PIWIL1: variants seen among roughly 807,000 people sequenced by gnomAD.
PIWIL1 encodes piwi like RNA-mediated gene silencing 1.
A neutral mutation model predicts 114.4 loss-of-function variants in PIWIL1; 73 were observed. The observed-to-expected ratio is 0.64, with a 90% CI of 0.53 to 0.78. The LOEUF (loss-of-function observed/expected upper bound fraction) is 0.78, where lower values mean the gene tolerates loss of function less well. PIWIL1 is among the 30% of genes least tolerant of loss of function. PIWIL1 has a pLI of 0.00. For missense variants in PIWIL1, 723 were observed against 1,063.1 expected (o/e 0.68, Z 4.45); for synonymous variants, 375 against 369.0 (o/e 1.02, Z -0.19).
the PIWIL1 span, among the ~76,000 whole-genome samples, chr12:130,402,290 C>T: frequency 2.0e-5 from 3 of 152,114 alleles, no homozygotes; most frequent in Admixed American, 1.3e-4. Context: ...TTCCATTCAA[C>T]GTTGTTCTTA....
chr12:130,378,890 T>C, the PIWIL1 span, among the ~76,000 whole-genome samples: 1 of 152,224 alleles, frequency 6.6e-6, no homozygotes, highest in Non-Finnish European at 1.5e-5. Context: ...TTCCTTCCAG[T>C]TTCTGGCTTG....
chr12:130,342,327 A>C (rs1222976010), intron 1 of PIWIL1: 1 of 500,456 alleles, frequency 2.0e-6, no homozygotes, highest in African/African-American at 1.9e-5. Flanking sequence ...TCCAAATGAA[A>C]AACTAAGTCT....
At chr12:130,393,795 A>T in the PIWIL1 span, among the ~76,000 whole-genome samples, 10 of 152,218 alleles carry the variant, frequency 6.6e-5, no homozygotes, top group Non-Finnish European at 1.2e-4. Context: ...CACACGTTCA[A>T]GGCTTTAGAA....
chr12:130,346,407 T>C lies in PIWIL1; in HGVS notation c.354T>C (p.His118=). 6.2e-7 allele frequency: 1 copy of C among 1,614,160 alleles called. No homozygotes were observed. Among genetic ancestry groups the C allele is most frequent in the Admixed American group, 1.7e-5 (1 of 60,018 alleles). ...TTATAGTAAGGTTAAGCACTAACCA[T>C]TTCCGGCTGACATCCCGTCCCCAGT... is the stretch of plus-strand genomic sequence containing the variant. ...SGIIVRLSTN[H]FRLTSRPQWA... The change falls in exon 5 of 21, where the codon CAT becomes CAC. Residue 118 remains histidine, a synonymous_variant. Coordinates refer to ENST00000245255, the MANE Select transcript of PIWIL1 (RefSeq NM_004764.5).
chr12:130,409,725 G>A, the PIWIL1 span, among the ~76,000 whole-genome samples: 1 of 152,138 alleles, frequency 6.6e-6, no homozygotes, highest in Non-Finnish European at 1.5e-5. Flanking sequence ...TATTAGCAGT[G>A]GCTCTGTTCC....
chr12:130,358,703 T>G (rs2073431661), intron 14 of PIWIL1, among the ~76,000 whole-genome samples: 1 of 152,138 alleles, frequency 6.6e-6, no homozygotes, highest in Admixed American at 6.6e-5. Flanking sequence ...CTCAAGCTAG[T>G]TTTTTAGGCT....
At chr12:130,362,712 GA>G in intron 16 of PIWIL1, 53 bp from the exon 17 acceptor site, 2 of 1,490,382 alleles carry the variant, frequency 1.3e-6, no homozygotes, top group Middle Eastern at 1.7e-4. Context: ...ATTCAGAAAG[GA>G]AAAATTGATA....
At chr12:130,349,171 G>A (rs183958703) in intron 7 of PIWIL1, 68 bp from the exon 8 acceptor site, 24 of 1,149,614 alleles carry the variant, frequency 2.1e-5, no homozygotes, top group Admixed American at 1.6e-4. Context: ...AAGTGAAAAC[G>A]CAACTTAGTG....
intron 3 of PIWIL1, 69 bp downstream of exon 3, chr12:130,343,170 A>AATTTGGT: frequency 9.5e-7 from 1 of 1,050,496 alleles, no homozygotes; most frequent in Non-Finnish European, 1.4e-6. Flanking sequence ...ATTGAATTAA[A>AATTTGGT]ACTTGGTACA....
At chr12:130,389,809 AGT>A in the PIWIL1 span, among the ~76,000 whole-genome samples, 2 of 152,108 alleles carry the variant, frequency 1.3e-5, no homozygotes, top group Non-Finnish European at 2.9e-5. Context: ...TAAGTTCATT[AGT>A]GTGTCTTTTC....
chr12:130,348,045 C>T, intron 6 of PIWIL1, 58 bp from the exon 7 acceptor site: 1 of 1,168,636 alleles, frequency 8.6e-7, no homozygotes, highest in Non-Finnish European at 1.3e-6. Context: ...ACATGCTGTT[C>T]TGATTGTCGT....
At chr12:130,396,918 A>G in the PIWIL1 span, 1 of 152,742 alleles carries the variant, frequency 6.5e-6, no homozygotes, top group Non-Finnish European at 1.5e-5. Context: ...TATAAGGCAG[A>G]ACATCAAGGC....
chr12:130,343,648 C>A (rs186111868), intron 3 of PIWIL1, among the ~76,000 whole-genome samples: 11 of 122,304 alleles, frequency 9.0e-5, no homozygotes, highest in Non-Finnish European at 1.1e-4. Context: ...TTTTTTGAGA[C>A]GGAGTCTCAC....
chr12:130,346,655 A>AT, intron 5 of PIWIL1, 71 bp downstream of exon 5: 5 of 1,309,916 alleles, frequency 3.8e-6, no homozygotes, highest in Non-Finnish European at 5.5e-6. Context: ...GATAGCTCAC[A>AT]TGGCTTTTAG....
chr12:130,396,323 G>A, the PIWIL1 span: 8 of 152,438 alleles, frequency 5.2e-5, no homozygotes, highest in Admixed American at 2.6e-4. Context: ...TTTATAAACC[G>A]TCCATAAATT....
the PIWIL1 span, among the ~76,000 whole-genome samples, chr12:130,391,206 C>T: frequency 6.6e-6 from 1 of 152,232 alleles, no homozygotes. Context: ...GGCTGCTGAG[C>T]CCCGGCTTCT....
intron 9 of PIWIL1, among the ~76,000 whole-genome samples, chr12:130,354,224 T>A (rs2073298322): frequency 6.6e-6 from 1 of 152,150 alleles, no homozygotes; most frequent in Non-Finnish European, 1.5e-5. Context: ...CACAGACTAC[T>A]GTTTCTAAAC....
At chr12:130,415,755 A>C in the PIWIL1 span, among the ~76,000 whole-genome samples, 17 of 152,178 alleles carry the variant, frequency 1.1e-4, no homozygotes, top group Non-Finnish European at 2.1e-4. Context: ...GGAAATAAGA[A>C]GTCAAATTAT....
At chr12:130,399,080 G>C in the PIWIL1 span, 1 of 1,227,784 alleles carries the variant, frequency 8.1e-7, no homozygotes, top group Non-Finnish European at 1.1e-6. Flanking sequence ...AGCTTAAGTT[G>C]GTATCTTTAT....
Sources: gnomAD v4.1 joint callset for allele counts (sites outside exome capture counted in the v4.1 genomes callset) on GRCh38, gnomAD v4.1.1 for gene constraint, MANE v1.5 for transcripts, NCBI Gene and HGNC (gene_info 2026-07-23, HGNC 2026-07-21) for gene names.